The following MATCAP2 variants were observed in gnomAD, a reference collection of about 807,000 sequenced individuals.
The protein encoded by MATCAP2 is microtubule associated tyrosine carboxypeptidase 2.
the MATCAP2 span, among the ~76,000 whole-genome samples, chr7:36,358,705 T>C: frequency 6.6e-6 from 1 of 152,196 alleles, no homozygotes; most frequent in African/African-American, 2.4e-5. Context: ...ATGCTACTAA[T>C]TCAGCACATG....
chr7:36,356,340 C>A, the MATCAP2 span: 1 of 159,018 alleles, frequency 6.3e-6, no homozygotes, highest in Non-Finnish European at 1.4e-5. Context: ...AATGGTGAAA[C>A]CCCATCTTCA....
the MATCAP2 span, among the ~76,000 whole-genome samples, chr7:36,362,717 A>G: frequency 6.6e-6 from 1 of 152,020 alleles, no homozygotes; most frequent in Non-Finnish European, 1.5e-5. Context: ...CATACTCACT[A>G]TGCTCTCTCC....
chr7:36,347,595 A>G, the MATCAP2 span, among the ~76,000 whole-genome samples: 5 of 152,160 alleles, frequency 3.3e-5, no homozygotes, highest in South Asian at 1.0e-3. Flanking sequence ...TCTCTGCCCT[A>G]TTTACCCCAC....
chr7:36,327,540 G>C, the MATCAP2 span, among the ~76,000 whole-genome samples: 1 of 152,198 alleles, frequency 6.6e-6, no homozygotes, highest in East Asian at 1.9e-4. Context: ...GTGTGTGAGA[G>C]AGACTCTAAA....
the MATCAP2 span, among the ~76,000 whole-genome samples, chr7:36,346,960 C>T: frequency 6.6e-6 from 1 of 152,096 alleles, no homozygotes; most frequent in African/African-American, 2.4e-5. Context: ...AGGGTTTCAC[C>T]ATGTTGGTCA....
At chr7:36,384,584 C>CA in the MATCAP2 span, among the ~76,000 whole-genome samples, 1 of 152,128 alleles carries the variant, frequency 6.6e-6, no homozygotes, top group Non-Finnish European at 1.5e-5. Context: ...TAAACATAAA[C>CA]ACATAACTAA....
At chr7:36,329,607 T>C in the MATCAP2 span, among the ~76,000 whole-genome samples, 1 of 152,168 alleles carries the variant, frequency 6.6e-6, no homozygotes, top group Non-Finnish European at 1.5e-5. Flanking sequence ...AAAAGTTGAA[T>C]AAAGTAAGTC....
chr7:36,344,303 T>C, the MATCAP2 span, among the ~76,000 whole-genome samples: 1 of 152,222 alleles, frequency 6.6e-6, no homozygotes, highest in East Asian at 1.9e-4. Flanking sequence ...ACCTATTATA[T>C]GAAAAATATG....
chr7:36,382,246 G>T, the MATCAP2 span, among the ~76,000 whole-genome samples: 286 of 138,126 alleles, frequency 2.1e-3, no homozygotes, highest in Non-Finnish European at 3.6e-3. Flanking sequence ...GGCGGAGGTT[G>T]CAGTGAGCAG....
chr7:36,380,746 T>C, the MATCAP2 span, among the ~76,000 whole-genome samples: 1 of 152,256 alleles, frequency 6.6e-6, no homozygotes. Context: ...AGGTTTTGTT[T>C]TGAGACAAAG....
chr7:36,378,652 A>C, the MATCAP2 span, among the ~76,000 whole-genome samples: 1 of 152,206 alleles, frequency 6.6e-6, no homozygotes, highest in Non-Finnish European at 1.5e-5. Flanking sequence ...AGGGATGTTT[A>C]AGTCTGCAGA....
the MATCAP2 span, chr7:36,355,519 A>G: frequency 6.6e-6 from 1 of 152,248 alleles, no homozygotes; most frequent in Non-Finnish European, 1.5e-5. Context: ...AAGAGACCCT[A>G]ACAAAGGAAA....
chr7:36,329,749 T>C, the MATCAP2 span, among the ~76,000 whole-genome samples: 1 of 152,224 alleles, frequency 6.6e-6, no homozygotes, highest in East Asian at 1.9e-4. Flanking sequence ...TAGGGAATAG[T>C]CCATTCATAA....
chr7:36,374,163 C>G, the MATCAP2 span, among the ~76,000 whole-genome samples: 1 of 152,230 alleles, frequency 6.6e-6, no homozygotes, highest in South Asian at 2.1e-4. Flanking sequence ...ACTGCAGCCT[C>G]CACCTACTGG....
At chr7:36,389,689 G>A in the MATCAP2 span, 246 of 258,068 alleles carry the variant, frequency 9.5e-4, no homozygotes, top group African/African-American at 5.1e-3. Context: ...CCTCCACCCC[G>A]CGGCGAGGGC....
At chr7:36,387,005 A>G in the MATCAP2 span, among the ~76,000 whole-genome samples, 708 of 152,334 alleles carry the variant, frequency 4.6e-3, 6 homozygotes, top group African/African-American at 0.016. Context: ...ATGTCCATTA[A>G]CAGGATAATG....
the MATCAP2 span, among the ~76,000 whole-genome samples, chr7:36,357,811 C>T: frequency 6.6e-6 from 1 of 152,146 alleles, no homozygotes; most frequent in South Asian, 2.1e-4. Context: ...GTTAAATTAT[C>T]TAAAAAATCC....
At chr7:36,357,137 A>AAATG in the MATCAP2 span, 2 of 1,614,106 alleles carry the variant, frequency 1.2e-6, no homozygotes, top group Non-Finnish European at 1.7e-6. Flanking sequence ...AAGAGTGGAG[A>AAATG]AATGGCACCA....
the MATCAP2 span, chr7:36,367,324 G>T: frequency 1.2e-3 from 1,176 of 1,005,156 alleles, no homozygotes; most frequent in Non-Finnish European, 1.4e-3. Flanking sequence ...CGCGGGCGGC[G>T]AGAGAGAGTG....
Sources: allele counts gnomAD v4.1 joint callset (sites outside exome capture counted in the v4.1 genomes callset), GRCh38; gene constraint gnomAD v4.1.1; transcripts MANE v1.5; gene names NCBI Gene and HGNC (gene_info 2026-07-23, HGNC 2026-07-21).